Variants in PALLD observed in about 807,000 individuals in gnomAD.
PALLD encodes palladin, cytoskeletal associated protein.
Under a neutral mutation model 123.5 loss-of-function variants are expected in PALLD, and 61 were observed. That is an observed-to-expected ratio of 0.49 (90% CI 0.40 to 0.61). The LOEUF (loss-of-function observed/expected upper bound fraction) is 0.61. Ranked by LOEUF, PALLD falls within the 20% of genes least tolerant of loss-of-function variation. PALLD has a pLI of 0.00. For missense variants in PALLD, 1,273 were observed against 1,377.0 expected (o/e 0.92, Z 1.20); for synonymous variants, 465 against 496.4 (o/e 0.94, Z 0.84).
chr4:168,782,538 G>A (rs1736071155), intron 10 of PALLD, among the ~76,000 whole-genome samples: 1 of 152,030 alleles, frequency 6.6e-6, no homozygotes, highest in Non-Finnish European at 1.5e-5. Context: ...TCTATAATAG[G>A]TATTTTACAT....
chr4:168,856,637 A>G (rs1748650173), intron 10 of PALLD, among the ~76,000 whole-genome samples: 1 of 152,200 alleles, frequency 6.6e-6, no homozygotes, highest in South Asian at 2.1e-4. Context: ...CTGCTTTTAT[A>G]TCTTCCTTTG....
intron 8 of PALLD, chr4:168,700,087 C>A (rs534870391): frequency 3.2e-6 from 1 of 314,082 alleles, no homozygotes; most frequent in Admixed American, 3.3e-5. Context: ...CCTGGCTCAT[C>A]TCATTTCCTC....
intron 2 of PALLD, among the ~76,000 whole-genome samples, chr4:168,618,507 T>C (rs1433571891): frequency 6.6e-6 from 1 of 152,176 alleles, no homozygotes; most frequent in Non-Finnish European, 1.5e-5. Context: ...GCCACCAGAA[T>C]AATATATCGA....
At chr4:168,666,370 T>C (rs749262456) in intron 2 of PALLD, among the ~76,000 whole-genome samples, 1 of 152,322 alleles carries the variant, frequency 6.6e-6, no homozygotes, top group Middle Eastern at 3.4e-3. Flanking sequence ...TTTTTTCTAT[T>C]ACCTGTAGTA....
At chr4:168,718,332 G>T (rs1785568186) in intron 10 of PALLD, among the ~76,000 whole-genome samples, 1 of 152,134 alleles carries the variant, frequency 6.6e-6, no homozygotes, top group African/African-American at 2.4e-5. Context: ...GACAAGGTAA[G>T]CAAAAACAAG....
chr4:168,619,163 C>T (rs781424483), intron 2 of PALLD, among the ~76,000 whole-genome samples: 20 of 152,158 alleles, frequency 1.3e-4, no homozygotes, highest in Non-Finnish European at 2.5e-4. Flanking sequence ...CAAAGACACA[C>T]ATATCTTTGA....
At chr4:168,778,620 T>C (rs879675160) in intron 10 of PALLD, among the ~76,000 whole-genome samples, 4 of 152,234 alleles carry the variant, frequency 2.6e-5, no homozygotes, top group Non-Finnish European at 5.9e-5. Context: ...AACCTTTACA[T>C]GGTACTGATT....
intron 2 of PALLD, among the ~76,000 whole-genome samples, chr4:168,589,893 T>C (rs956259309): frequency 6.6e-6 from 1 of 152,226 alleles, no homozygotes; most frequent in Non-Finnish European, 1.5e-5. Flanking sequence ...GCTGCCTCAT[T>C]TGGCCCCATG....
At chr4:168,920,934 C>T (rs896985971) in intron 17 of PALLD, among the ~76,000 whole-genome samples, 2 of 152,120 alleles carry the variant, frequency 1.3e-5, no homozygotes, top group Non-Finnish European at 2.9e-5. Flanking sequence ...CTGATATCAT[C>T]CCATTAATCT....
chr4:168,730,213 A>G (rs1787023552), intron 10 of PALLD, among the ~76,000 whole-genome samples: 1 of 151,784 alleles, frequency 6.6e-6, no homozygotes, highest in South Asian at 2.1e-4. Flanking sequence ...GCCTATTTTT[A>G]TTGTACTTTC....
chr4:168,633,002 G>A (rs908483862), intron 2 of PALLD, among the ~76,000 whole-genome samples: 1 of 152,188 alleles, frequency 6.6e-6, no homozygotes, highest in African/African-American at 2.4e-5. Flanking sequence ...TCCTCCAAGG[G>A]ACCAGCATGA....
chr4:168,641,424 G>T lies in PALLD; in HGVS notation c.909-26766G>T, dbSNP rs949635828. 2.0e-5 allele frequency among the ~76,000 whole-genome samples: 3 copies of T among 152,110 alleles called. No individual in the cohort carries two copies. In the South Asian group the frequency reaches 6.2e-4, roughly 32 times the overall value. ...AGATCTACCTTTGCCCTGGGATAAA[G>T]CTGGCACATAAAAACCAGCCACAGA... On this transcript the variant is annotated intron_variant, in intron 2 of 21. Transcript: ENST00000505667.
chr4:168,601,332 G>A (rs1056018795), intron 2 of PALLD, among the ~76,000 whole-genome samples: 9 of 152,058 alleles, frequency 5.9e-5, no homozygotes, highest in Non-Finnish European at 8.8e-5. Context: ...GGTCACCTTT[G>A]GTCCAGAAGA....
intron 2 of PALLD, among the ~76,000 whole-genome samples, chr4:168,547,879 G>A (rs1342695787): frequency 6.6e-6 from 1 of 151,116 alleles, no homozygotes; most frequent in African/African-American, 2.4e-5. Flanking sequence ...CCGGGAGGCG[G>A]AGCTTGCAGT....
chr4:168,509,057 G>A (rs9884789), intron 1 of PALLD, among the ~76,000 whole-genome samples: 6 of 151,978 alleles, frequency 3.9e-5, no homozygotes, highest in East Asian at 1.9e-4. Flanking sequence ...TCTGGTGGAC[G>A]TTCCAGGGTC....
chr4:168,603,926 G>A (rs1772919406), intron 2 of PALLD, among the ~76,000 whole-genome samples: 1 of 152,220 alleles, frequency 6.6e-6, no homozygotes, highest in South Asian at 2.1e-4. Flanking sequence ...CAAGTAGAAA[G>A]ATAGTCTGCA....
intron 10 of PALLD, among the ~76,000 whole-genome samples, chr4:168,836,601 C>T (rs561655377): frequency 5.9e-4 from 90 of 152,212 alleles, no homozygotes; most frequent in African/African-American, 2.0e-3. Context: ...GAGGTAGGCC[C>T]GCCACATTAG....
intron 10 of PALLD, among the ~76,000 whole-genome samples, chr4:168,851,125 T>C (rs764735982): frequency 6.6e-6 from 1 of 152,080 alleles, no homozygotes; most frequent in African/African-American, 2.4e-5. Context: ...CTTCCTCCCA[T>C]GTGTCTCTAA....
chr4:168,849,032 GT>G (rs1341862906), intron 10 of PALLD, among the ~76,000 whole-genome samples: 1 of 152,130 alleles, frequency 6.6e-6, no homozygotes, highest in Non-Finnish European at 1.5e-5. Context: ...TAAAAAATTC[GT>G]TAAAAAAGCA....
Sources: allele counts gnomAD v4.1 joint callset (sites outside exome capture counted in the v4.1 genomes callset), GRCh38; gene constraint gnomAD v4.1.1; transcripts MANE v1.5; gene names NCBI Gene and HGNC (gene_info 2026-07-23, HGNC 2026-07-21).